The following DNAJC11 variants were observed in gnomAD, a reference collection of about 807,000 sequenced individuals.
The protein encoded by DNAJC11 is dnaJ homolog subfamily C member 11.
A neutral mutation model predicts 78.6 loss-of-function variants in DNAJC11; 15 were observed. The observed-to-expected ratio is 0.19, with a 90% CI of 0.13 to 0.29. The LOEUF (loss-of-function observed/expected upper bound fraction) is 0.29. DNAJC11 is among the 10% of genes least tolerant of loss of function. The pLI, the probability that DNAJC11 is intolerant of heterozygous loss-of-function variation, is 1.00. For missense variants in DNAJC11, 547 were observed against 709.6 expected (o/e 0.77, Z 2.60); for synonymous variants, 292 against 272.1 (o/e 1.07, Z -0.72).
chr1:6,700,603 T>A (rs1352736748), intron 1 of DNAJC11, among the ~76,000 whole-genome samples: 9 of 152,172 alleles, frequency 5.9e-5, no homozygotes, highest in Non-Finnish European at 1.3e-4. Flanking sequence ...TTTCCTCAAG[T>A]GTAAATCAAG....
intron 12 of DNAJC11, chr1:6,637,934 GC>G: frequency 2.6e-6 from 1 of 380,094 alleles, no homozygotes; most frequent in Non-Finnish European, 4.8e-6. Flanking sequence ...TAGCTGTGCC[GC>G]CCCCTCAGAC....
chr1:6,691,730 A>C (rs1282714939), intron 1 of DNAJC11, among the ~76,000 whole-genome samples: 1 of 152,232 alleles, frequency 6.6e-6, no homozygotes, highest in East Asian at 1.9e-4. Context: ...CCAACAGTCC[A>C]TGAGCCAAAC....
Position 6,657,186 on chromosome 1 carries a change from T to C in DNAJC11, c.379-3147A>G, listed in dbSNP as rs538534502. Among the ~76,000 whole-genome samples, 3 of 152,216 alleles carry C rather than the reference T, an allele frequency of 2.0e-5. No individual in the cohort carries two copies. In the East Asian group the frequency reaches 5.8e-4, roughly 29 times the overall value. On this transcript the variant is annotated intron_variant, in intron 4 of 15. Coordinates refer to ENST00000377577, the MANE Select transcript of DNAJC11 (RefSeq NM_018198.4). ...AATGCGTGGATGTGATGGTGCTGAC[T>C]TCAAGACCAGCTCACGAGAAGCCTT...
At chr1:6,676,316 C>T (rs904205120) in intron 3 of DNAJC11, among the ~76,000 whole-genome samples, 3 of 152,170 alleles carry the variant, frequency 2.0e-5, no homozygotes, top group Non-Finnish European at 4.4e-5. Flanking sequence ...AGACAGAAGA[C>T]TGAATTATCA....
intron 1 of DNAJC11, among the ~76,000 whole-genome samples, chr1:6,686,029 A>G (rs1165839860): frequency 6.6e-6 from 1 of 152,234 alleles, no homozygotes; most frequent in African/African-American, 2.4e-5. Context: ...ATTGTCCAAT[A>G]CAGTCATTTT....
In DNAJC11 at chr1:6,645,385, AGGTGGCAGCGGCT is replaced by A. The variant is rs1641949396; in HGVS notation, c.895-272_895-260del. ...CTGGTGACACTGAGCCTATGCTCCT[AGGTGGCAGCGGCT>A]GGTGAGAGCCAAGGAGCAGTGGCCC... On this transcript the variant is annotated intron_variant, in intron 8 of 15. Transcript: ENST00000377577. This position sits in a 1 kb window ranked among gnomAD's most constrained non-coding sequence, Gnocchi z 4.1. Among the ~76,000 whole-genome samples, 1 of 152,238 alleles carries A rather than the reference AGGTGGCAGCGGCT, an allele frequency of 6.6e-6. No individual in the cohort carries two copies. The highest frequency in any genetic ancestry group is 1.5e-5 in the Non-Finnish European group (1 of 68,034).
Position 6,656,455 on chromosome 1 carries a change from G to A in DNAJC11, c.379-2416C>T, listed in dbSNP as rs79425848. The stretch of plus-strand genomic sequence containing the variant: ...GTCAAAGAAAACTGTTGTGAATAAA[G>A]TTAAAAAGACAATACCTGTCAAAAT... On this transcript the variant is annotated intron_variant, in intron 4 of 15. Coordinates refer to ENST00000377577, the MANE Select transcript of DNAJC11 (RefSeq NM_018198.4). 5.1e-3 allele frequency among the ~76,000 whole-genome samples: 773 copies of A among 152,030 alleles called. 4 individuals are homozygous for A. Among genetic ancestry groups the A allele is most frequent in the African/African-American group, 0.018 (746 of 41,482 alleles).
intron 1 of DNAJC11, among the ~76,000 whole-genome samples, chr1:6,688,901 C>T (rs751143084): frequency 1.8e-4 from 27 of 152,174 alleles, no homozygotes; most frequent in Non-Finnish European, 1.3e-4. Flanking sequence ...TTGTTAAGTA[C>T]CATTATGTGC....
At chr1:6,651,652 C>T (rs1222899127) in intron 6 of DNAJC11, 50 bp from the exon 7 acceptor site, 4 of 1,442,606 alleles carry the variant, frequency 2.8e-6, no homozygotes, top group African/African-American at 1.4e-5. Context: ...TATCTCATAG[C>T]AGCAACCCAG....
chr1:6,699,474 G>A (rs945244862), intron 1 of DNAJC11, among the ~76,000 whole-genome samples: 4 of 152,142 alleles, frequency 2.6e-5, no homozygotes, highest in African/African-American at 4.8e-5. Context: ...GGTTCAGTAC[G>A]CCTGATAAAT....
chr1:6,675,864 G>A (rs1242594980), intron 3 of DNAJC11, among the ~76,000 whole-genome samples: 1 of 152,130 alleles, frequency 6.6e-6, no homozygotes, highest in Admixed American at 6.5e-5. Flanking sequence ...TGCTGCTGGG[G>A]ACTAAAAACC....
chr1:6,677,796 T>C (rs1369917213), intron 3 of DNAJC11, among the ~76,000 whole-genome samples: 2 of 152,260 alleles, frequency 1.3e-5, no homozygotes, highest in South Asian at 2.1e-4. Flanking sequence ...TCCCACAGCA[T>C]GGCTGCCCAG....
chr1:6,688,575 T>C (rs773098372), intron 1 of DNAJC11, among the ~76,000 whole-genome samples: 7 of 152,078 alleles, frequency 4.6e-5, no homozygotes, highest in East Asian at 1.9e-4. Context: ...CATGCAAACA[T>C]TGATTTAACT....
chr1:6,695,353 T>C (rs1005845042), intron 1 of DNAJC11, among the ~76,000 whole-genome samples: 5 of 151,744 alleles, frequency 3.3e-5, no homozygotes, highest in Non-Finnish European at 7.4e-5. Flanking sequence ...ATCCAAGAAA[T>C]AACAATATAT....
chr1:6,671,921 G>A (rs899007257), intron 3 of DNAJC11, among the ~76,000 whole-genome samples: 3 of 151,928 alleles, frequency 2.0e-5, no homozygotes, highest in Non-Finnish European at 4.4e-5. Flanking sequence ...TGCAACTTCC[G>A]CTTCCAGGGT....
rs1185375232 is a variant in DNAJC11, at chr1:6,634,248, G to C, written c.*1427C>G. 11 of 876,570 alleles carry C rather than the reference G, an allele frequency of 1.3e-5. No homozygotes were observed. The highest frequency in any genetic ancestry group is 1.9e-5 in the Non-Finnish European group (11 of 580,824). The allele number at this position is 876,570 out of a possible 1,614,324, so 54.3% of individuals were successfully genotyped here. On this transcript the variant is annotated 3_prime_UTR_variant, in exon 16 of 16. Coordinates refer to ENST00000377577, the MANE Select transcript of DNAJC11 (RefSeq NM_018198.4). ...ATGAAACGCAGAGGATGGGTGCCCA[G>C]AAGCACCTGCGGCAGAGGCGCACGG...
At chr1:6,667,626 CA>C in intron 4 of DNAJC11, 82 bp downstream of exon 4, 1 of 1,126,592 alleles carries the variant, frequency 8.9e-7, no homozygotes, top group South Asian at 1.3e-5. Context: ...AACAATCCAC[CA>C]GCACCTCATT....
rs980062852 is a variant in DNAJC11 at position 6,680,671 on chromosome 1, A to G, written c.202+237T>C. Among the ~76,000 whole-genome samples the G allele has an allele frequency of 1.4e-4, 21 of 152,218 alleles. No homozygotes were observed. Among genetic ancestry groups the G allele is most frequent in the African/African-American group, 4.6e-4 (19 of 41,458 alleles). On this transcript the variant is annotated intron_variant, in intron 2 of 15. Coordinates refer to ENST00000377577, the MANE Select transcript of DNAJC11 (RefSeq NM_018198.4). This position sits in a 1 kb window ranked among gnomAD's most constrained non-coding sequence, Gnocchi z 4.0. Reference sequence around the variant, plus strand: ...TTTAAAACTTGAGTATTCCCTTGCAATTGAGACTCTGTCTATTACCTCGCC... The same window carrying G: ...TTTAAAACTTGAGTATTCCCTTGCAGTTGAGACTCTGTCTATTACCTCGCC...
At chr1:6,658,512 G>C (rs113946705) in intron 4 of DNAJC11, among the ~76,000 whole-genome samples, 2 of 152,278 alleles carry the variant, frequency 1.3e-5, no homozygotes, top group African/African-American at 4.8e-5. Context: ...AGAAGAAACA[G>C]CTCCAAGAGC....
Sources: gnomAD v4.1 joint callset for allele counts (sites outside exome capture counted in the v4.1 genomes callset) on GRCh38, gnomAD v4.1.1 for gene constraint, Gnocchi (gnomAD v3.1) non-coding constraint, MANE v1.5 for transcripts, NCBI Gene and HGNC (gene_info 2026-07-23, HGNC 2026-07-21) for gene names.